Variants in ARHGEF6 observed in about 807,000 individuals in gnomAD.
The protein encoded by ARHGEF6 is Rac/Cdc42 guanine nucleotide exchange factor 6.
Under a neutral mutation model 70.3 loss-of-function variants are expected in ARHGEF6, and 9 were observed. That is an observed-to-expected ratio of 0.13 (90% CI 0.08 to 0.22). The LOEUF is 0.22. Among genes scored for constraint, ARHGEF6 ranks in the 10% least tolerant of loss-of-function variants. The pLI, the probability that ARHGEF6 is intolerant of heterozygous loss-of-function variation, is 1.00. For synonymous variants in ARHGEF6, 201 were observed against 207.8 expected (o/e 0.97, Z 0.28); for missense variants, 470 against 563.0 (o/e 0.83, Z 1.67).
chrX:136,714,404 T>C (rs758822157), intron 6 of ARHGEF6, among the ~76,000 whole-genome samples: 1 of 112,092 alleles, frequency 8.9e-6, no homozygotes, highest in African/African-American at 3.2e-5. Context: ...TAATAATAAT[T>C]TTAAAAACCT....
chrX:136,680,697 A>G (rs1223849342), intron 15 of ARHGEF6, 34 bp downstream of exon 15: 1 of 1,207,865 alleles, frequency 8.3e-7, no homozygotes, highest in Admixed American at 2.2e-5. Flanking sequence ...CGAAAGACTC[A>G]ATAATCTCTG....
At chrX:136,767,642 G>C in intron 2 of ARHGEF6, 1 of 754,379 alleles carries the variant, frequency 1.3e-6, no homozygotes, top group Non-Finnish European at 1.6e-6. Flanking sequence ...GAGTGGAGGG[G>C]AGCGACTGCC....
At chrX:136,696,230 G>A (rs2076508457) in intron 9 of ARHGEF6, among the ~76,000 whole-genome samples, 2 of 111,490 alleles carry the variant, frequency 1.8e-5, no homozygotes, top group Non-Finnish European at 3.8e-5. Context: ...CAGAAGGACA[G>A]AAAAGGAAAC....
intron 9 of ARHGEF6, among the ~76,000 whole-genome samples, 157 bp downstream of exon 9, chrX:136,706,751 T>C (rs2076630893): frequency 8.9e-6 from 1 of 112,219 alleles, no homozygotes; most frequent in Admixed American, 9.5e-5. Flanking sequence ...AATTTATTCA[T>C]TGGATTAATG....
At chrX:136,702,459 G>C (rs2076586128) in intron 9 of ARHGEF6, among the ~76,000 whole-genome samples, 1 of 111,873 alleles carries the variant, frequency 8.9e-6, no homozygotes, top group African/African-American at 3.2e-5. Context: ...TGTCAGAGTG[G>C]ATTAAGAAAC....
At chrX:136,767,049 A>T in intron 2 of ARHGEF6, 1 of 721,282 alleles carries the variant, frequency 1.4e-6, no homozygotes, top group Non-Finnish European at 1.6e-6. Flanking sequence ...GTGGGGAAGA[A>T]GGGCGGTTCC....
At chrX:136,679,982 T>C (rs1261667127) in intron 15 of ARHGEF6, among the ~76,000 whole-genome samples, 2 of 112,252 alleles carry the variant, frequency 1.8e-5, no homozygotes, top group African/African-American at 6.5e-5. Context: ...GTGATATGTT[T>C]GGCACTCTAG....
intron 7 of ARHGEF6, among the ~76,000 whole-genome samples, chrX:136,712,188 AGCCTCC>A (rs1437037133): frequency 9.0e-6 from 1 of 111,497 alleles, no homozygotes; most frequent in African/African-American, 3.3e-5. Flanking sequence ...GGCTCACTGC[AGCCTCC>A]GCCTCCCAGG....
At chrX:136,675,964 G>C (rs1057428972) in intron 18 of ARHGEF6, among the ~76,000 whole-genome samples, 1 of 102,810 alleles carries the variant, frequency 9.7e-6, no homozygotes, top group Non-Finnish European at 2.0e-5. Flanking sequence ...GGGGTGGGGG[G>C]TGGGGCATGC....
intron 2 of ARHGEF6, chrX:136,767,278 G>C (rs2077325575): frequency 4.0e-6 from 3 of 754,864 alleles, no homozygotes; most frequent in Non-Finnish European, 4.7e-6. Context: ...CCAAGGCTGC[G>C]GGAACAGATC....
At chrX:136,741,949 C>T (rs1195932609) in intron 5 of ARHGEF6, among the ~76,000 whole-genome samples, 1 of 111,758 alleles carries the variant, frequency 8.9e-6, no homozygotes, top group Non-Finnish European at 1.9e-5. Context: ...CAGAAATTTT[C>T]AGCTCTCAAG....
At chrX:136,771,468 G>A (rs373497669) in intron 2 of ARHGEF6, among the ~76,000 whole-genome samples, 90 of 112,399 alleles carry the variant, frequency 8.0e-4, no homozygotes, top group African/African-American at 2.9e-3. Flanking sequence ...TCAGTTCAAT[G>A]GAGGAATTGG....
intron 9 of ARHGEF6, among the ~76,000 whole-genome samples, chrX:136,698,510 GAGA>G (rs2076534472): frequency 8.9e-6 from 1 of 111,875 alleles, no homozygotes; most frequent in Admixed American, 9.5e-5. Context: ...AAAGCAGGAA[GAGA>G]AGAACAACTC....
chrX:136,769,942 A>C (rs915392227), intron 2 of ARHGEF6, among the ~76,000 whole-genome samples: 5 of 112,655 alleles, frequency 4.4e-5, no homozygotes, highest in African/African-American at 1.6e-4. Context: ...CTCATTAGTA[A>C]TCATGAAATA....
chrX:136,743,491 T>C, intron 5 of ARHGEF6, 94 bp downstream of exon 5: 1 of 918,426 alleles, frequency 1.1e-6, no homozygotes, highest in Non-Finnish European at 1.6e-6. Context: ...TATAAACAGC[T>C]TCTGTTAACC....
intron 12 of ARHGEF6, among the ~76,000 whole-genome samples, chrX:136,684,113 A>C (rs952461555): frequency 9.8e-5 from 11 of 112,313 alleles, no homozygotes; most frequent in African/African-American, 2.9e-4. Flanking sequence ...TTCTAGCAAA[A>C]TCCAATGGCT....
intron 2 of ARHGEF6, among the ~76,000 whole-genome samples, chrX:136,766,684 C>A (rs1036623057): frequency 3.5e-5 from 4 of 112,735 alleles, no homozygotes; most frequent in Non-Finnish European, 5.6e-5. Flanking sequence ...TAACTACAGG[C>A]ACTTTGGAAC....
chrX:136,759,138 C>T (rs1434119333), intron 2 of ARHGEF6, among the ~76,000 whole-genome samples: 3 of 112,310 alleles, frequency 2.7e-5, no homozygotes, highest in East Asian at 2.8e-4. Context: ...TTTCCACTAT[C>T]ACAATGTATA....
intron 12 of ARHGEF6, among the ~76,000 whole-genome samples, chrX:136,684,195 C>T (rs1450776213): frequency 1.8e-5 from 2 of 112,081 alleles, no homozygotes; most frequent in African/African-American, 3.2e-5. Flanking sequence ...TTTTCAAATG[C>T]TCCTCGTGGA....
Sources: allele counts gnomAD v4.1 joint callset (sites outside exome capture counted in the v4.1 genomes callset), GRCh38; gene constraint gnomAD v4.1.1; transcripts MANE v1.5; gene names NCBI Gene and HGNC (gene_info 2026-07-23, HGNC 2026-07-21).